The following RHOJ variants were observed in gnomAD, a reference collection of about 807,000 sequenced individuals.
RHOJ encodes the protein rho-related GTP-binding protein RhoJ.
RHOJ carries 11 observed loss-of-function variants against 23.4 expected under a neutral mutation model. The observed-to-expected ratio is 0.47, with a 90% CI of 0.30 to 0.78. RHOJ has a LOEUF of 0.78. Ranked by LOEUF, RHOJ falls within the 30% of genes least tolerant of loss-of-function variation. RHOJ has a pLI of 0.08. For synonymous variants in RHOJ, 102 were observed against 102.7 expected (o/e 0.99, Z 0.04); for missense variants, 254 against 273.4 (o/e 0.93, Z 0.50).
chr14:63,280,831 A>G, intron 2 of RHOJ, 140 bp from the exon 3 acceptor site: 1 of 700,384 alleles, frequency 1.4e-6, no homozygotes, highest in Non-Finnish European at 2.2e-6. Context: ...CTAGTAGAGA[A>G]AGAACTACCA....
At chr14:63,222,039 G>T (rs1315945738) in intron 1 of RHOJ, among the ~76,000 whole-genome samples, 1 of 138,774 alleles carries the variant, frequency 7.2e-6, no homozygotes, top group Non-Finnish European at 1.5e-5. Context: ...CGTTCTCATT[G>T]TTCAATTCCC....
chr14:63,273,718 C>T (rs1447165479), intron 2 of RHOJ, among the ~76,000 whole-genome samples: 2 of 152,214 alleles, frequency 1.3e-5, no homozygotes, highest in African/African-American at 2.4e-5. Flanking sequence ...GTGGGCAAAG[C>T]CCTATTCAGA....
At chr14:63,234,192 T>A (rs144380768) in intron 1 of RHOJ, among the ~76,000 whole-genome samples, 6 of 152,376 alleles carry the variant, frequency 3.9e-5, no homozygotes, top group South Asian at 2.1e-4. Flanking sequence ...CATACTATGA[T>A]TCCTTAATTC....
At chr14:63,253,914 G>A (rs915745554) in intron 1 of RHOJ, among the ~76,000 whole-genome samples, 1 of 152,174 alleles carries the variant, frequency 6.6e-6, no homozygotes, top group South Asian at 2.1e-4. Context: ...TAGCAGGTAT[G>A]TTCTGTTTTT....
In RHOJ at chr14:63,292,695, T is replaced by C. The variant is rs1882287633; in HGVS notation, c.*1671T>C. 1 of 152,190 alleles carries C rather than the reference T, an allele frequency of 6.6e-6. No homozygotes were observed. Among genetic ancestry groups the C allele is most frequent in the East Asian group, 1.9e-4 (1 of 5,196 alleles). 9.4% of individuals were successfully genotyped at this position (152,190 alleles called of 1,614,324 possible). A position where few individuals can be genotyped will look rare whatever the true frequency, so the allele number is the denominator to read the frequency against. On this transcript the variant is annotated 3_prime_UTR_variant, in exon 5 of 5. Coordinates refer to ENST00000316754, the MANE Select transcript of RHOJ (RefSeq NM_020663.5). ...CAGGCACCGTGGCTCATGCCTGTAA[T>C]CCCAACACTTAGGGAGGCTGAGGTG... is the stretch of plus-strand genomic sequence containing the variant.
rs140123647 is a variant in RHOJ, at chr14:63,287,516, A to G, written c.499-3362A>G. 1.0e-3 allele frequency among the ~76,000 whole-genome samples: 157 copies of G among 151,846 alleles called. 1 individual carries two copies. Among genetic ancestry groups the G allele is most frequent in the African/African-American group, 3.5e-3 (146 of 41,388 alleles). On this transcript the variant is annotated intron_variant, in intron 4 of 4. Coordinates refer to ENST00000316754, the MANE Select transcript of RHOJ (RefSeq NM_020663.5). ...CCTTTATCCCTTCCAGTTACTTTCTATCTTATTCTATAACTTGTCCTGCCC... is the reference window on the plus strand; with the variant it reads ...CCTTTATCCCTTCCAGTTACTTTCTGTCTTATTCTATAACTTGTCCTGCCC...
At chr14:63,233,677 C>A (rs982516057) in intron 1 of RHOJ, among the ~76,000 whole-genome samples, 1 of 152,162 alleles carries the variant, frequency 6.6e-6, no homozygotes, top group Non-Finnish European at 1.5e-5. Flanking sequence ...GGACAAATAA[C>A]TCTTGAATCT....
intron 1 of RHOJ, among the ~76,000 whole-genome samples, chr14:63,208,927 C>G (rs1894172426): frequency 6.6e-6 from 1 of 152,162 alleles, no homozygotes. Context: ...AGCTACTCTT[C>G]CCCTAGGCTT....
At chr14:63,262,810 C>T (rs1225361900) in intron 1 of RHOJ, among the ~76,000 whole-genome samples, 1 of 152,210 alleles carries the variant, frequency 6.6e-6, no homozygotes, top group Non-Finnish European at 1.5e-5. Flanking sequence ...GTATACTGGG[C>T]ATGGAGACTC....
chr14:63,210,471 G>A (rs1894211640), intron 1 of RHOJ, among the ~76,000 whole-genome samples: 1 of 152,176 alleles, frequency 6.6e-6, no homozygotes, highest in Non-Finnish European at 1.5e-5. Flanking sequence ...GGTCTAAAGG[G>A]TAGGAGCAGT....
chr14:63,208,601 G>A (rs916786123), intron 1 of RHOJ, among the ~76,000 whole-genome samples: 1 of 151,948 alleles, frequency 6.6e-6, no homozygotes, highest in African/African-American at 2.4e-5. Context: ...ACATTCTCCT[G>A]GTTTTGTTTC....
At chr14:63,209,682 C>T (rs1336884644) in intron 1 of RHOJ, among the ~76,000 whole-genome samples, 2 of 152,182 alleles carry the variant, frequency 1.3e-5, no homozygotes, top group African/African-American at 2.4e-5. Context: ...AGACACTCAA[C>T]AGACTCTCAA....
intron 1 of RHOJ, among the ~76,000 whole-genome samples, chr14:63,258,003 G>A (rs1895206335): frequency 6.7e-6 from 1 of 149,550 alleles, no homozygotes; most frequent in Non-Finnish European, 1.5e-5. Flanking sequence ...GAGGCGGGTG[G>A]ATCACCTGAG....
At chr14:63,275,897 TC>T (rs1566628252) in intron 2 of RHOJ, among the ~76,000 whole-genome samples, 1 of 147,802 alleles carries the variant, frequency 6.8e-6, no homozygotes, top group South Asian at 2.1e-4. Flanking sequence ...CAAATTCAAC[TC>T]CCCCCAACCC....
At chr14:63,208,804 T>C (rs1196919247) in intron 1 of RHOJ, among the ~76,000 whole-genome samples, 3 of 152,178 alleles carry the variant, frequency 2.0e-5, no homozygotes, top group Non-Finnish European at 2.9e-5. Context: ...CGGCAAAACT[T>C]GTAGCTCCAT....
chr14:63,206,457 C>A (rs1183028087), intron 1 of RHOJ, among the ~76,000 whole-genome samples: 1 of 152,182 alleles, frequency 6.6e-6, no homozygotes, highest in Admixed American at 6.5e-5. Flanking sequence ...TCCTCAGATT[C>A]TTCTCCTGAA....
chr14:63,210,264 T>C (rs748424419), intron 1 of RHOJ, among the ~76,000 whole-genome samples: 1 of 152,160 alleles, frequency 6.6e-6, no homozygotes, highest in Non-Finnish European at 1.5e-5. Context: ...CCAGCCAGCA[T>C]TGAATTTTCT....
intron 1 of RHOJ, among the ~76,000 whole-genome samples, chr14:63,264,766 GGTGATTA>G (rs556272566): frequency 3.9e-5 from 6 of 152,138 alleles, no homozygotes; most frequent in Admixed American, 2.0e-4. Context: ...GCATTTCTCT[GGTGATTA>G]GTGATGTGGA....
At chr14:63,220,584 A>C (rs1323886480) in intron 1 of RHOJ, among the ~76,000 whole-genome samples, 1 of 152,188 alleles carries the variant, frequency 6.6e-6, no homozygotes, top group African/African-American at 2.4e-5. Context: ...GGAACTACCC[A>C]GTGCCCAGAA....
Sources: gnomAD v4.1 joint callset for allele counts (sites outside exome capture counted in the v4.1 genomes callset) on GRCh38, gnomAD v4.1.1 for gene constraint, MANE v1.5 for transcripts, NCBI Gene and HGNC (gene_info 2026-07-23, HGNC 2026-07-21) for gene names.